Variants in GBF1 observed in about 807,000 individuals in gnomAD.
GBF1 encodes the protein golgi brefeldin A resistant guanine nucleotide exchange factor 1.
GBF1 carries 114 observed loss-of-function variants against 210.5 expected under a neutral mutation model. The ratio of observed to expected loss-of-function variants is 0.54; its 90% CI spans 0.47 to 0.63. The LOEUF (loss-of-function observed/expected upper bound fraction) is 0.63, where lower values mean the gene tolerates loss of function less well. Among genes scored for constraint, GBF1 ranks in the 30% least tolerant of loss-of-function variants. The pLI is 0.00. For missense variants in GBF1, 1,851 were observed against 2,357.7 expected (o/e 0.79, Z 4.45); for synonymous variants, 850 against 889.2 (o/e 0.96, Z 0.78).
intron 1 of GBF1, among the ~76,000 whole-genome samples, chr10:102,253,299 A>G (rs2071849936): frequency 6.6e-6 from 1 of 152,130 alleles, no homozygotes; most frequent in African/African-American, 2.4e-5. Context: ...GCATGTATGT[A>G]TGCCCTTCCC....
chr10:102,368,936 C>T, intron 23 of GBF1, 104 bp downstream of exon 23: 1 of 755,986 alleles, frequency 1.3e-6, no homozygotes, highest in Non-Finnish European at 2.3e-6. Context: ...CAGCGTCTTC[C>T]CTCACTGCCC....
At chr10:102,294,824 G>A (rs1419938386) in intron 3 of GBF1, among the ~76,000 whole-genome samples, 1 of 152,198 alleles carries the variant, frequency 6.6e-6, no homozygotes, top group East Asian at 1.9e-4. Context: ...GCAATAGGCT[G>A]TACCATATAG....
chr10:102,370,381 C>CA lies in GBF1; in HGVS notation c.3412-2dup. On this transcript the variant is annotated splice_polypyrimidine_tract_variant and splice_region_variant and intron_variant, in intron 27 of 39. Coordinates refer to ENST00000369983, the MANE Select transcript of GBF1 (RefSeq NM_001377137.1). ...CTACTTTCCTGCTGCTGTTCCCCTT[C>CA]AGGCTCTGGTCTCAGTGACACCAGA... is the stretch of plus-strand genomic sequence containing the variant. 6.2e-7 allele frequency: 1 copy of CA among 1,605,120 alleles called. No individual in the cohort carries two copies. The highest frequency in any genetic ancestry group is 8.5e-7 in the Non-Finnish European group (1 of 1,171,722).
At position 102,370,946 on chromosome 10, in the gene GBF1, G is replaced by C. The variant is rs186031110; in HGVS notation, c.3660+86G>C. On this transcript the variant is annotated intron_variant, in intron 29 of 39. Transcript: ENST00000369983. ...AATTATGAATATGGCCTGAGACAGA[G>C]AGTACATTTAGTGCCCCATAGCATG... 222 of 1,304,954 alleles carry C rather than the reference G, an allele frequency of 1.7e-4. 1 individual carries two copies. In the East Asian group the frequency reaches 4.5e-3, roughly 27 times the overall value. 80.8% of individuals were successfully genotyped at this position (1,304,954 alleles called of 1,614,324 possible).
intron 3 of GBF1, among the ~76,000 whole-genome samples, chr10:102,322,944 A>C (rs2056551458): frequency 6.6e-6 from 1 of 152,070 alleles, no homozygotes; most frequent in Non-Finnish European, 1.5e-5. Context: ...GAAGAAGACA[A>C]AGAAGAGCCA....
chr10:102,341,186 A>G lies in GBF1; in HGVS notation c.164-2865A>G, dbSNP rs538894503. 2.0e-5 allele frequency among the ~76,000 whole-genome samples: 3 copies of G among 152,358 alleles called. No homozygotes were observed. In the East Asian group the frequency reaches 5.8e-4, roughly 29 times the overall value. ...CACCCAAAAGGATATACAGACGGCA[A>G]ATAAGCACATGAAAAGATGTTCAAC... is the stretch of plus-strand genomic sequence containing the variant. On this transcript the variant is annotated intron_variant, in intron 3 of 39. Coordinates refer to ENST00000369983, the MANE Select transcript of GBF1 (RefSeq NM_001377137.1).
Position 102,370,385 on chromosome 10 carries a change from C to A in GBF1, c.3413C>A (p.Ala1138Asp). The A allele has an allele frequency of 6.2e-7, 1 of 1,601,392 alleles. No individual in the cohort carries two copies. Among genetic ancestry groups the A allele is most frequent in the Non-Finnish European group, 8.6e-7 (1 of 1,168,262 alleles). The change falls in exon 28 of 40, where the codon GCT (alanine) becomes GAT (aspartate). Residue 1138 changes from alanine to aspartate, a missense_variant and splice_region_variant. Ala to Asp is a moderately radical substitution (Grantham distance 126). Transcript: ENST00000369983. ...QLESLQELMK[A>D]LVSVTPDEET... ...TTTCCTGCTGCTGTTCCCCTTCAGG[C>A]TCTGGTCTCAGTGACACCAGATGAA...
chr10:102,307,215 C>T (rs1388599997), intron 3 of GBF1, among the ~76,000 whole-genome samples: 2 of 152,056 alleles, frequency 1.3e-5, no homozygotes, highest in East Asian at 3.8e-4. Context: ...GGATGATTTT[C>T]AGCTCTTACT....
At chr10:102,307,792 TCAAAAAAAA>T (rs1207100147) in intron 3 of GBF1, among the ~76,000 whole-genome samples, 6 of 150,758 alleles carry the variant, frequency 4.0e-5, no homozygotes, top group South Asian at 2.1e-4. Flanking sequence ...AGACGCCGTC[TCAAAAAAAA>T]CAAAAAAAAC....
intron 3 of GBF1, among the ~76,000 whole-genome samples, chr10:102,267,186 T>C (rs2073948098): frequency 6.6e-6 from 1 of 152,160 alleles, no homozygotes; most frequent in Non-Finnish European, 1.5e-5. Flanking sequence ...TTAGTAGTCA[T>C]TGTCAGGAAA....
Position 102,344,145 on chromosome 10 carries a change from C to A in GBF1, c.258C>A (p.Leu86=), listed in dbSNP as rs1305698709. The A allele has an allele frequency of 6.2e-7, 1 of 1,613,622 alleles. No individual in the cohort carries two copies. The highest frequency in any genetic ancestry group is 8.5e-7 in the Non-Finnish European group (1 of 1,179,494). ...DTTGPITGLA[L]TSVNKFLSYA... ...CTGGCCCTATCACTGGACTGGCACTCACCTCTGTCAACAAGTTCCTGTCCT... is the reference window on the plus strand; with the variant it reads ...CTGGCCCTATCACTGGACTGGCACTAACCTCTGTCAACAAGTTCCTGTCCT... The change falls in exon 4 of 40, where the codon CTC becomes CTA. Residue 86 remains leucine (L), a synonymous_variant. Transcript: ENST00000369983.
intron 3 of GBF1, among the ~76,000 whole-genome samples, chr10:102,269,432 C>T (rs1306123140): frequency 6.6e-6 from 1 of 152,070 alleles, no homozygotes; most frequent in Admixed American, 6.6e-5. Context: ...AGCTTGCTTC[C>T]AGGTGTCCTG....
At chr10:102,308,689 C>T (rs1253783073) in intron 3 of GBF1, among the ~76,000 whole-genome samples, 5 of 139,298 alleles carry the variant, frequency 3.6e-5, no homozygotes, top group African/African-American at 1.1e-4. Context: ...AACACATGGA[C>T]ACAGGAAGGG....
In GBF1 at chr10:102,260,473, C is replaced by CT. The variant is rs879575033; in HGVS notation, c.163+359dup. Reference sequence around the variant, plus strand: ...CTGTGCCTGGCCTATATTTTCCTTTCTTCTTTTTTTTTTTTTTTTTTTTTT... The same window carrying CT: ...CTGTGCCTGGCCTATATTTTCCTTTCTTTCTTTTTTTTTTTTTTTTTTTTTT... On this transcript the variant is annotated intron_variant, in intron 3 of 39. Coordinates refer to ENST00000369983, the MANE Select transcript of GBF1 (RefSeq NM_001377137.1). Among the ~76,000 whole-genome samples, 89 of 74,770 alleles carry CT rather than the reference C, an allele frequency of 1.2e-3. 8 individuals carry two copies. Among genetic ancestry groups the CT allele is most frequent in the African/African-American group, 5.3e-3 (76 of 14,364 alleles). The allele number at this position is 74,770 out of a possible 152,430, so 49.1% of individuals were successfully genotyped here. A position where few individuals can be genotyped will look rare whatever the true frequency, so the allele number is the denominator to read the frequency against.
intron 14 of GBF1, among the ~76,000 whole-genome samples, chr10:102,362,225 T>A (rs946823122): frequency 1.7e-4 from 26 of 150,656 alleles, no homozygotes; most frequent in Admixed American, 1.5e-3. Flanking sequence ...CCCGGCTAAT[T>A]TTTTGTATTT....
chr10:102,264,156 G>A (rs1246779155), intron 3 of GBF1, among the ~76,000 whole-genome samples: 2 of 152,168 alleles, frequency 1.3e-5, no homozygotes, highest in East Asian at 3.8e-4. Context: ...TATAGTATGT[G>A]AATCATATCT....
At chr10:102,345,745 T>C (rs928051721) in intron 4 of GBF1, among the ~76,000 whole-genome samples, 1 of 150,926 alleles carries the variant, frequency 6.6e-6, no homozygotes, top group Non-Finnish European at 1.5e-5. Flanking sequence ...GTAGAAAATA[T>C]ATATAAAACT....
At chr10:102,294,443 G>A (rs1055102363) in intron 3 of GBF1, among the ~76,000 whole-genome samples, 3 of 150,230 alleles carry the variant, frequency 2.0e-5, no homozygotes, top group South Asian at 2.1e-4. Flanking sequence ...GTGCAGTGGC[G>A]CAATCTTGGC....
At chr10:102,374,950 C>T (rs563561280) in intron 29 of GBF1, among the ~76,000 whole-genome samples, 83 of 151,978 alleles carry the variant, frequency 5.5e-4, no homozygotes, top group African/African-American at 2.0e-3. Context: ...ACGGGAAGAT[C>T]GCTTGAGCCT....
Sources: allele counts gnomAD v4.1 joint callset (sites outside exome capture counted in the v4.1 genomes callset), GRCh38; gene constraint gnomAD v4.1.1; transcripts MANE v1.5; gene names NCBI Gene and HGNC (gene_info 2026-07-23, HGNC 2026-07-21).